Variants in LRRC8C observed in about 807,000 individuals in gnomAD.
The protein encoded by LRRC8C is leucine rich repeat containing 8 VRAC subunit C.
Under a neutral mutation model 55.3 loss-of-function variants are expected in LRRC8C, and 20 were observed. That is an observed-to-expected ratio of 0.36 (90% CI 0.25 to 0.53). The LOEUF (loss-of-function observed/expected upper bound fraction) is 0.53, where lower values mean the gene tolerates loss of function less well. Ranked by LOEUF, LRRC8C falls within the 20% of genes least tolerant of loss-of-function variation. LRRC8C has a pLI of 0.92. For missense variants in LRRC8C, 659 were observed against 951.4 expected (o/e 0.69, Z 4.04); for synonymous variants, 376 against 360.7 (o/e 1.04, Z -0.48).
intron 1 of LRRC8C, among the ~76,000 whole-genome samples, chr1:89,678,231 A>G (rs1657601293): frequency 1.3e-5 from 2 of 152,228 alleles, no homozygotes; most frequent in African/African-American, 4.8e-5. Context: ...CCACTTTCTT[A>G]ACTAAAATTA....
chr1:89,623,378 T>A, the LRRC8C span, among the ~76,000 whole-genome samples: 1 of 152,350 alleles, frequency 6.6e-6, no homozygotes, highest in East Asian at 1.9e-4. Context: ...TCACTTCTAA[T>A]AGCTCTCTAT....
At chr1:89,675,338 A>G (rs938212738) in intron 1 of LRRC8C, among the ~76,000 whole-genome samples, 1 of 152,250 alleles carries the variant, frequency 6.6e-6, no homozygotes, top group African/African-American at 2.4e-5. Context: ...TTTAGTTTTA[A>G]TGCTCTTGAG....
In LRRC8C at chr1:89,714,932, CTGTT is replaced by C. The variant is rs1557672224; in HGVS notation, c.2365_2368del (p.Phe789LysfsTer11). ...AGCTGGTTTAGTTGTAGAAGATGCT[CTGTT>C]TGAAACTCTGCCTTCTGACGTCCGG... On this transcript the variant is annotated frameshift_variant, in exon 3 of 3. Transcript: ENST00000370454. LOFTEE classifies it high-confidence loss of function. The surrounding 1 kb of genome is among the most constrained non-coding windows in gnomAD (Gnocchi z 4.6). 1.3e-6 allele frequency: 2 copies of C among 1,598,862 alleles called. No individual in the cohort carries two copies. The highest frequency in any genetic ancestry group is 1.7e-6 in the Non-Finnish European group (2 of 1,175,332).
At chr1:89,629,745 G>A (rs1656057880), upstream of LRRC8C, 1 of 152,252 alleles carries the variant, frequency 6.6e-6, no homozygotes, top group Admixed American at 6.5e-5. Flanking sequence ...ACTCTGTAGT[G>A]AAGAGGCATG....
At chr1:89,686,282 T>A (rs1316061239) in intron 1 of LRRC8C, among the ~76,000 whole-genome samples, 188 bp from the exon 2 acceptor site, 1 of 152,174 alleles carries the variant, frequency 6.6e-6, no homozygotes, top group Non-Finnish European at 1.5e-5. Flanking sequence ...ACTTGCCTTT[T>A]CCATGTGGGT....
chr1:89,644,115 A>T (rs541811638), intron 1 of LRRC8C, among the ~76,000 whole-genome samples: 1 of 152,362 alleles, frequency 6.6e-6, no homozygotes, highest in Admixed American at 6.5e-5. Flanking sequence ...CTATCAATTA[A>T]CTCTTGAGTT....
chr1:89,620,268 A>G, the LRRC8C span, among the ~76,000 whole-genome samples: 4 of 152,176 alleles, frequency 2.6e-5, no homozygotes, highest in Non-Finnish European at 5.9e-5. Flanking sequence ...ACTTCTTAAT[A>G]CTATCACACT....
chr1:89,631,873 G>A (rs1656117399), upstream of LRRC8C: 1 of 152,202 alleles, frequency 6.6e-6, no homozygotes, highest in African/African-American at 2.4e-5. Flanking sequence ...AAGCCCAAGA[G>A]AATATCTTTT....
chr1:89,659,391 A>G (rs1657053642), intron 1 of LRRC8C, among the ~76,000 whole-genome samples: 1 of 152,168 alleles, frequency 6.6e-6, no homozygotes. Context: ...GGTTGTATGC[A>G]GGCCCCTCTG....
chr1:89,707,155 C>A (rs1038962158), intron 2 of LRRC8C, among the ~76,000 whole-genome samples: 1 of 136,364 alleles, frequency 7.3e-6, no homozygotes, highest in Admixed American at 7.6e-5. Context: ...GCCTGTAATC[C>A]CAGCACTTTG....
chr1:89,680,150 T>C (rs2101262398), intron 1 of LRRC8C, among the ~76,000 whole-genome samples: 2 of 151,462 alleles, frequency 1.3e-5, no homozygotes, highest in Non-Finnish European at 2.9e-5. Flanking sequence ...CAATCTCAGC[T>C]CACTGCAAGC....
intron 1 of LRRC8C, among the ~76,000 whole-genome samples, chr1:89,647,301 CA>C: frequency 6.6e-6 from 1 of 152,136 alleles, no homozygotes. Flanking sequence ...TATATAGCTC[CA>C]AATTAGGAAC....
In LRRC8C at chr1:89,717,511, T is replaced by G. The variant is rs1418906266; in HGVS notation, c.*2529T>G. On this transcript the variant is annotated 3_prime_UTR_variant, in exon 3 of 3. Transcript: ENST00000370454. The stretch of plus-strand genomic sequence containing the variant: ...CTAAGTTTTGATAACATCTGGTAAG[T>G]CAGTATAGTTCTGTGACTTCATGTT... The G allele has an allele frequency of 6.6e-6, 1 of 152,156 alleles. No individual in the cohort carries two copies. The highest frequency in any genetic ancestry group is 1.5e-5 in the Non-Finnish European group (1 of 68,008). 9.4% of individuals were successfully genotyped at this position (152,156 alleles called of 1,614,324 possible).
At chr1:89,646,952 G>T (rs1302959740) in intron 1 of LRRC8C, among the ~76,000 whole-genome samples, 1 of 152,140 alleles carries the variant, frequency 6.6e-6, no homozygotes, top group African/African-American at 2.4e-5. Context: ...CAGTAAATCT[G>T]TTGACAATCA....
intron 1 of LRRC8C, among the ~76,000 whole-genome samples, chr1:89,666,412 A>T (rs1026293195): frequency 2.6e-5 from 4 of 151,948 alleles, no homozygotes; most frequent in African/African-American, 7.3e-5. Flanking sequence ...CTTTAACAAA[A>T]ATATATATAT....
At chr1:89,662,609 G>A (rs904955980) in intron 1 of LRRC8C, among the ~76,000 whole-genome samples, 6 of 151,952 alleles carry the variant, frequency 3.9e-5, no homozygotes, top group Non-Finnish European at 8.8e-5. Context: ...AGAAATCGTT[G>A]GAATCTGAAT....
chr1:89,709,203 G>C (rs1320562), intron 2 of LRRC8C, among the ~76,000 whole-genome samples: 101,765 of 152,070 alleles, frequency 0.67, 35,206 homozygotes, highest in Middle Eastern at 0.81. Context: ...TGTGGGGAGT[G>C]GTGGAAGAAC....
At chr1:89,707,084 A>G (rs994973619) in intron 2 of LRRC8C, among the ~76,000 whole-genome samples, 3 of 152,072 alleles carry the variant, frequency 2.0e-5, no homozygotes, top group Non-Finnish European at 4.4e-5. Flanking sequence ...GGAGTATTTT[A>G]TACTCCTGGA....
intron 2 of LRRC8C, chr1:89,706,214 G>T: frequency 2.2e-6 from 1 of 446,774 alleles, no homozygotes; most frequent in Admixed American, 2.4e-5. Context: ...CTTTTCCTGA[G>T]GCACACTCAG....
Sources: gnomAD v4.1 joint callset for allele counts (sites outside exome capture counted in the v4.1 genomes callset) on GRCh38, gnomAD v4.1.1 for gene constraint, Gnocchi (gnomAD v3.1) non-coding constraint, MANE v1.5 for transcripts, NCBI Gene and HGNC (gene_info 2026-07-23, HGNC 2026-07-21) for gene names.